CLSTN2: variants seen among roughly 807,000 people sequenced by gnomAD.
CLSTN2 encodes the protein calsyntenin 2, also known as calsyntenin-2.
CLSTN2 carries 48 observed loss-of-function variants against 101.2 expected under a neutral mutation model. The observed-to-expected ratio is 0.47, with a 90% CI of 0.38 to 0.60. The LOEUF is 0.60. Among genes scored for constraint, CLSTN2 ranks in the 20% least tolerant of loss-of-function variants. The pLI, the probability that CLSTN2 is intolerant of heterozygous loss-of-function variation, is 0.00. For synonymous variants in CLSTN2, 481 were observed against 463.6 expected (o/e 1.04, Z -0.48); for missense variants, 1,160 against 1,238.2 (o/e 0.94, Z 0.95).
intron 8 of CLSTN2, among the ~76,000 whole-genome samples, chr3:140,474,977 C>A (rs974019377): frequency 7.8e-6 from 1 of 128,828 alleles, no homozygotes; most frequent in African/African-American, 2.5e-5. Context: ...GCAATGATAA[C>A]CTTAACACCC....
At chr3:140,070,369 C>G (rs1022927744) in intron 1 of CLSTN2, among the ~76,000 whole-genome samples, 23 of 152,190 alleles carry the variant, frequency 1.5e-4, no homozygotes, top group African/African-American at 5.1e-4. Flanking sequence ...GGTCTACAGA[C>G]CTCATTATAA....
At chr3:140,547,109 C>T (rs1209963389) in intron 10 of CLSTN2, among the ~76,000 whole-genome samples, 1 of 152,164 alleles carries the variant, frequency 6.6e-6, no homozygotes, top group Non-Finnish European at 1.5e-5. Flanking sequence ...AAAGCGAAAA[C>T]CTGGGTGAGG....
At chr3:140,221,926 A>T (rs1049056606) in intron 2 of CLSTN2, among the ~76,000 whole-genome samples, 1 of 152,178 alleles carries the variant, frequency 6.6e-6, no homozygotes, top group Non-Finnish European at 1.5e-5. Flanking sequence ...TCCAAAAATT[A>T]AAAATAGAGC....
At chr3:140,435,384 C>A (rs1050751553) in intron 5 of CLSTN2, among the ~76,000 whole-genome samples, 1 of 152,192 alleles carries the variant, frequency 6.6e-6, no homozygotes, top group African/African-American at 2.4e-5. Context: ...CATGCTGTTG[C>A]AAATAACCGG....
At chr3:140,398,889 G>A (rs1167851222) in intron 2 of CLSTN2, among the ~76,000 whole-genome samples, 1 of 152,222 alleles carries the variant, frequency 6.6e-6, no homozygotes, top group African/African-American at 2.4e-5. Context: ...GTGTCTTTCT[G>A]CTGAGAAGCA....
chr3:140,129,881 C>T (rs184967287), intron 1 of CLSTN2, among the ~76,000 whole-genome samples: 5 of 152,120 alleles, frequency 3.3e-5, no homozygotes, highest in East Asian at 3.9e-4. Context: ...TGTCACATGT[C>T]GGAAGACCAC....
intron 5 of CLSTN2, among the ~76,000 whole-genome samples, chr3:140,444,029 C>G (rs4596105): frequency 0.34 from 51,431 of 152,102 alleles, 10,531 homozygotes; most frequent in Middle Eastern, 0.48. Context: ...TGATCTTTTG[C>G]CAACATTGGG....
At chr3:140,557,589 G>C (rs930539641) in intron 11 of CLSTN2, among the ~76,000 whole-genome samples, 3 of 152,176 alleles carry the variant, frequency 2.0e-5, no homozygotes, top group Non-Finnish European at 4.4e-5. Context: ...GCACAAGTGG[G>C]AGAAAACTGG....
At chr3:139,982,809 A>C (rs1427995821) in intron 1 of CLSTN2, among the ~76,000 whole-genome samples, 9 of 152,166 alleles carry the variant, frequency 5.9e-5, no homozygotes, top group Non-Finnish European at 2.9e-5. Flanking sequence ...TGTCTAGATA[A>C]TATTGAGATA....
At chr3:140,503,569 C>T (rs1934624352) in intron 8 of CLSTN2, among the ~76,000 whole-genome samples, 1 of 151,764 alleles carries the variant, frequency 6.6e-6, no homozygotes, top group South Asian at 2.1e-4. Flanking sequence ...AGAATGTGTC[C>T]TTGTTGCTAA....
chr3:140,179,277 A>G (rs896461694), intron 2 of CLSTN2, among the ~76,000 whole-genome samples: 3 of 151,916 alleles, frequency 2.0e-5, no homozygotes, highest in Non-Finnish European at 2.9e-5. Flanking sequence ...AGGCTCTTTT[A>G]ACATTTTAGT....
intron 5 of CLSTN2, among the ~76,000 whole-genome samples, chr3:140,424,567 T>C (rs1409380657): frequency 3.3e-5 from 5 of 152,224 alleles, no homozygotes; most frequent in Non-Finnish European, 7.3e-5. Flanking sequence ...CTGAGTTGTA[T>C]ATCTCTTGTC....
chr3:140,564,427 G>A (rs561926289), intron 16 of CLSTN2, among the ~76,000 whole-genome samples: 1 of 152,322 alleles, frequency 6.6e-6, no homozygotes, highest in Non-Finnish European at 1.5e-5. Context: ...AACACCACGA[G>A]GTGGCTAAGC....
At chr3:140,098,781 C>T (rs80249068) in intron 1 of CLSTN2, among the ~76,000 whole-genome samples, 3,780 of 152,282 alleles carry the variant, frequency 0.025, 147 homozygotes, top group African/African-American at 0.084. Flanking sequence ...CTGAGCTAGA[C>T]TTTGTGCTCC....
At chr3:139,989,737 A>G (rs1560063197) in intron 1 of CLSTN2, among the ~76,000 whole-genome samples, 1 of 152,116 alleles carries the variant, frequency 6.6e-6, no homozygotes, top group Admixed American at 6.5e-5. Context: ...ACCTGCCACC[A>G]CCCTTGGCAA....
chr3:140,308,421 C>T (rs182607263), intron 2 of CLSTN2, among the ~76,000 whole-genome samples: 3 of 152,280 alleles, frequency 2.0e-5, no homozygotes, highest in Admixed American at 6.5e-5. Context: ...TAAATGACTT[C>T]GATTGTTATA....
chr3:140,139,714 C>T (rs931373556), intron 1 of CLSTN2, among the ~76,000 whole-genome samples: 2 of 152,206 alleles, frequency 1.3e-5, no homozygotes, highest in Non-Finnish European at 2.9e-5. Flanking sequence ...ATATTGAATG[C>T]CTGCTTTTAA....
chr3:140,564,510 T>C (rs1392558291), intron 16 of CLSTN2, among the ~76,000 whole-genome samples: 1 of 152,182 alleles, frequency 6.6e-6, no homozygotes, highest in African/African-American at 2.4e-5. Context: ...TTTGAGTAAC[T>C]AACAGTGCAA....
intron 8 of CLSTN2, among the ~76,000 whole-genome samples, chr3:140,517,273 C>T (rs2107771418): frequency 6.6e-6 from 1 of 152,128 alleles, no homozygotes; most frequent in East Asian, 1.9e-4. Flanking sequence ...TCTGGTGCCT[C>T]CTTGATTAGC....
Sources: gnomAD v4.1 joint callset for allele counts (sites outside exome capture counted in the v4.1 genomes callset) on GRCh38, gnomAD v4.1.1 for gene constraint, MANE v1.5 for transcripts, NCBI Gene and HGNC (gene_info 2026-07-23, HGNC 2026-07-21) for gene names.